ADAM33: variants seen among roughly 807,000 people sequenced by gnomAD.
ADAM33 encodes disintegrin and metalloproteinase domain-containing protein 33.
A neutral mutation model predicts 106.2 loss-of-function variants in ADAM33; 103 were observed. The observed-to-expected ratio is 0.97, with a 90% CI of 0.83 to 1.14. The LOEUF (loss-of-function observed/expected upper bound fraction) is 1.14. Among genes scored for constraint, ADAM33 ranks in the 50% most tolerant of loss-of-function variants. ADAM33 has a pLI of 0.00. For missense variants in ADAM33, 1,120 were observed against 1,096.6 expected (o/e 1.02, Z -0.30); for synonymous variants, 483 against 453.0 (o/e 1.07, Z -0.84).
rs2088036706 is a variant in ADAM33, at chr20:3,677,102, T to G, written c.219A>C (p.Glu73Asp). 1 of 1,612,382 alleles carries G rather than the reference T, an allele frequency of 6.2e-7. No individual in the cohort carries two copies. The highest frequency in any genetic ancestry group is 8.5e-7 in the Non-Finnish European group (1 of 1,179,510). The change falls in exon 3 of 22, where the codon GAA becomes GAC. Residue 73 changes from glutamate to aspartate, a missense_variant. Physicochemically the swap from Glu to Asp is conservative, Grantham distance 45. Coordinates refer to ENST00000356518, the MANE Select transcript of ADAM33 (RefSeq NM_025220.5). ...CCAGCTCAAGCAGGAGCTCCTGGCC[T>G]TCAGCCTCCAGGGCCACCAGCCCCA... ...PDMGLVALEA[E>D]GQELLLELEK... is the part of the protein sequence containing the mutation.
chr20:3,672,342 C>G lies in ADAM33; in HGVS notation c.1402-13G>C, dbSNP rs6037648. On this transcript the variant is annotated splice_polypyrimidine_tract_variant and intron_variant, in intron 13 of 21. Transcript: ENST00000356518. ...CAGCCGGCTTCAGCTGCGCAGGTGACGGGTGGTGGGGAAGGCAGAGAGAGG... is the reference window on the plus strand; with the variant it reads ...CAGCCGGCTTCAGCTGCGCAGGTGAGGGGTGGTGGGGAAGGCAGAGAGAGG... 5.0e-4 allele frequency: 808 copies of G among 1,610,456 alleles called. 2 individuals carry two copies. The African/African-American group carries it at 9.5e-3, about 19-fold the overall frequency.
intron 21 of ADAM33, 56 bp from the exon 22 acceptor site, chr20:3,669,056 T>G: frequency 6.3e-7 from 1 of 1,583,208 alleles, no homozygotes. Context: ...GGCTGCAAGC[T>G]GTGTGGCAGA....
Position 3,676,113 on chromosome 20 carries a change from T to C in ADAM33, c.254+954A>G, listed in dbSNP as rs41403549. On this transcript the variant is annotated intron_variant, in intron 3 of 21. Transcript: ENST00000356518. ...GCGGTCAAGCACTCAGTAGGTGATA[T>C]ATACTGATAACATAATCTGGGTGGT... Among the ~76,000 whole-genome samples the C allele has an allele frequency of 3.2e-3, 488 of 152,320 alleles. 1 individual carries two copies. The highest frequency in any genetic ancestry group is 0.011 in the African/African-American group (455 of 41,560).
chr20:3,670,765 G>C, intron 19 of ADAM33: 1 of 552,716 alleles, frequency 1.8e-6, no homozygotes. Context: ...AAGAGGAGCT[G>C]TACTGGGAGG....
At chr20:3,669,206 G>GA in intron 21 of ADAM33, 93 bp downstream of exon 21, 1 of 1,099,328 alleles carries the variant, frequency 9.1e-7, no homozygotes, top group Non-Finnish European at 1.2e-6. Flanking sequence ...CCTGAGCCCA[G>GA]AAACCTGATT....
chr20:3,670,134 C>T (rs1225918548), intron 19 of ADAM33: 1 of 206,464 alleles, frequency 4.8e-6, no homozygotes, highest in Non-Finnish European at 9.8e-6. Flanking sequence ...AAGCAGCCGC[C>T]ACCCTCTGCA....
rs1323393175 is a variant in ADAM33 at position 3,671,906 on chromosome 20, G to C, written c.1677C>G (p.Ser559Arg). The C allele has an allele frequency of 2.6e-6, 4 of 1,554,260 alleles. No homozygotes were observed. The highest frequency in any genetic ancestry group is 1.2e-5 in the South Asian group (1 of 84,218). The change falls in exon 15 of 22, where the codon AGC (serine) becomes AGG (arginine). Residue 559 changes from serine (S) to arginine (R), a missense_variant. Ser to Arg is a moderately radical substitution (Grantham distance 110). Coordinates refer to ENST00000356518, the MANE Select transcript of ADAM33 (RefSeq NM_025220.5). ...CTGCACAGGGCAGGAAGTGGCCCTC[G>C]CTGTCCTGGCCGCAGTTTCCATGAG... The part of the protein sequence containing the change: ...GDAHGNCGQD[S>R]EGHFLPCAGR...
At chr20:3,677,273 C>T (rs1600239584) in intron 2 of ADAM33, 130 bp from the exon 3 acceptor site, 5 of 675,442 alleles carry the variant, frequency 7.4e-6, no homozygotes, top group Middle Eastern at 4.1e-4. Flanking sequence ...GTCAGCAGGA[C>T]CCCCCACATA....
Position 3,674,104 on chromosome 20 carries a change from G to A in ADAM33, c.698C>T (p.Thr233Ile), listed in dbSNP as rs866870988. Residue 233 changes from threonine to isoleucine, a missense_variant, in exon 8 of 22, where the codon ACC becomes ATC. Transcript: ENST00000356518. ...GGCGACTTCCAGGAGACGCTGTTTG[G>A]TGTGGTTCAAGTTTCGGTGCCGAGT... ...FLTRHRNLNHTKQRLLEVANY... is the reference protein window; with the variant it reads ...FLTRHRNLNHIKQRLLEVANY... 1 of 1,614,210 alleles carries A rather than the reference G, an allele frequency of 6.2e-7. No individual in the cohort carries two copies. Among genetic ancestry groups the A allele is most frequent in the African/African-American group, 1.3e-5 (1 of 75,040 alleles).
intron 2 of ADAM33, 107 bp from the exon 3 acceptor site, chr20:3,677,250 C>T (rs544418512): frequency 3.1e-6 from 3 of 978,128 alleles, no homozygotes; most frequent in East Asian, 3.0e-5. Context: ...TTGGGGAGAA[C>T]GTGGGCTGGG....
intron 3 of ADAM33, 87 bp downstream of exon 3, chr20:3,676,980 C>T: frequency 7.0e-7 from 1 of 1,429,696 alleles, no homozygotes; most frequent in Non-Finnish European, 9.5e-7. Flanking sequence ...GTCCTCTGCC[C>T]ATCCAGCCAC....
rs373705446 is a variant in ADAM33, at chr20:3,671,563, C to T, written c.1905+18G>A. 2.7e-5 allele frequency: 43 copies of T among 1,606,068 alleles called. No individual in the cohort carries two copies. The highest frequency in any genetic ancestry group is 3.3e-4 in the Middle Eastern group (2 of 6,050). On this transcript the variant is annotated intron_variant, in intron 16 of 21. Coordinates refer to ENST00000356518, the MANE Select transcript of ADAM33 (RefSeq NM_025220.5). ...CGGGATTCAAACGGCAAGGAGGGGT[C>T]GGGTGGGCAGAGCTCACCATTCTAG...
At chr20:3,670,726 C>A (rs953321281) in intron 19 of ADAM33, 3 of 426,566 alleles carry the variant, frequency 7.0e-6, no homozygotes, top group Non-Finnish European at 1.3e-5. Context: ...GTGAGGCAGC[C>A]AGCTGGTGGG....
chr20:3,675,096 C>G lies in ADAM33; in HGVS notation c.264G>C (p.Leu88=). ...AGTGGGTTTCTATGTATCCTGGGGCCAGCAGCCTGCTGAGAGGGGGTGTTA... is the reference window on the plus strand; with the variant it reads ...AGTGGGTTTCTATGTATCCTGGGGCGAGCAGCCTGCTGAGAGGGGGTGTTA... The part of the protein sequence containing the change: ...LLELEKNHRL[L]APGYIETHYG... Residue 88 remains leucine, a synonymous_variant, in exon 4 of 22, where the codon CTG becomes CTC. Coordinates refer to ENST00000356518, the MANE Select transcript of ADAM33 (RefSeq NM_025220.5). The surrounding 1 kb of genome is among the most constrained non-coding windows in gnomAD (Gnocchi z 4.1). The G allele has an allele frequency of 6.2e-7, 1 of 1,612,604 alleles. No individual in the cohort carries two copies. The highest frequency in any genetic ancestry group is 8.5e-7 in the Non-Finnish European group (1 of 1,179,456).
At chr20:3,672,999 C>T in intron 11 of ADAM33, 101 bp from the exon 12 acceptor site, 1 of 1,438,514 alleles carries the variant, frequency 7.0e-7, no homozygotes, top group Non-Finnish European at 9.1e-7. Context: ...GCCAGACGCG[C>T]AGAGCCCAGA....
chr20:3,676,584 GC>G (rs2087980670), intron 3 of ADAM33, among the ~76,000 whole-genome samples: 1 of 151,794 alleles, frequency 6.6e-6, no homozygotes, highest in African/African-American at 2.4e-5. Flanking sequence ...GATTACAGGC[GC>G]CGCCACCACG....
In ADAM33 at chr20:3,671,488, C is replaced by T. The variant is rs2087530040; in HGVS notation, c.1914G>A (p.Gln638=). 4 of 1,610,718 alleles carry T rather than the reference C, an allele frequency of 2.5e-6. No homozygotes were observed. The highest frequency in any genetic ancestry group is 3.4e-6 in the Non-Finnish European group (4 of 1,178,184). ...AGGCATTCTTCCTGCAGCGCCTGCT[C>T]TGGCACACCTACGGGCAGTGCACCA... The part of the protein sequence containing the change: ...GTQCGPRMVC[Q]SRRCRKNAFQ... Residue 638 remains glutamine, a synonymous_variant, in exon 17 of 22, where the codon CAG becomes CAA. Transcript: ENST00000356518.
At chr20:3,678,515 A>C (rs1244502742) in intron 2 of ADAM33, among the ~76,000 whole-genome samples, 3 of 152,152 alleles carry the variant, frequency 2.0e-5, no homozygotes, top group African/African-American at 4.8e-5. Flanking sequence ...GACCAGTGGA[A>C]TGGGGGCCTT....
Position 3,673,558 on chromosome 20 carries a change from C to G in ADAM33, c.990+16G>C. The G allele has an allele frequency of 7.1e-7, 1 of 1,398,992 alleles. No individual in the cohort carries two copies. The highest frequency in any genetic ancestry group is 9.2e-7 in the Non-Finnish European group (1 of 1,083,182). The allele number at this position is 1,398,992 out of a possible 1,614,324, so 86.7% of individuals were successfully genotyped here. A position where few individuals can be genotyped will look rare whatever the true frequency, so the allele number is the denominator to read the frequency against. On this transcript the variant is annotated intron_variant, in intron 10 of 21. Coordinates refer to ENST00000356518, the MANE Select transcript of ADAM33 (RefSeq NM_025220.5). ...GAGCCTCCTGTCTCTCCCTCGCCCC[C>G]GCCCGCGGGGCTCACCGTGCTCACG...
Sources: allele counts gnomAD v4.1 joint callset (sites outside exome capture counted in the v4.1 genomes callset), GRCh38; gene constraint gnomAD v4.1.1; non-coding constraint Gnocchi (gnomAD v3.1); transcripts MANE v1.5; gene names NCBI Gene and HGNC (gene_info 2026-07-23, HGNC 2026-07-21).